Variants in TRHDE observed in about 807,000 individuals in gnomAD.
TRHDE encodes the protein thyrotropin releasing hormone degrading enzyme.
TRHDE carries 72 observed loss-of-function variants against 125.7 expected under a neutral mutation model. The observed-to-expected ratio is 0.57, with a 90% CI of 0.47 to 0.70. The LOEUF is 0.70. TRHDE is among the 30% of genes least tolerant of loss of function. TRHDE has a pLI of 0.00. For missense variants in TRHDE, 1,110 were observed against 1,327.1 expected (o/e 0.84, Z 2.54); for synonymous variants, 509 against 509.1 (o/e 1.00, Z 0.00).
At chr12:72,113,195 TC>T (rs1407044234) in intron 2 of TRHDE, among the ~76,000 whole-genome samples, 1 of 151,898 alleles carries the variant, frequency 6.6e-6, no homozygotes, top group African/African-American at 2.4e-5. Context: ...ATTTTTTTTT[TC>T]TTTGTAGAGA....
upstream of TRHDE, chr12:72,271,689 G>C (rs1879217339): frequency 3.2e-5 from 11 of 344,530 alleles, no homozygotes; most frequent in South Asian, 2.4e-4. Flanking sequence ...AGCTGGAGTA[G>C]CCCTGGCAAT....
At chr12:72,120,290 C>T (rs1028939329) in intron 2 of TRHDE, among the ~76,000 whole-genome samples, 1 of 152,068 alleles carries the variant, frequency 6.6e-6, no homozygotes, top group Non-Finnish European at 1.5e-5. Context: ...ACCTCATGGT[C>T]TGCCTGACTC....
chr12:72,158,763 T>A (rs1282393325), intron 2 of TRHDE, among the ~76,000 whole-genome samples: 1 of 152,238 alleles, frequency 6.6e-6, no homozygotes, highest in African/African-American at 2.4e-5. Context: ...TCCTAAGATA[T>A]CTGCAAATTC....
At chr12:72,372,988 C>T (rs915883784) in intron 2 of TRHDE, among the ~76,000 whole-genome samples, 4 of 152,112 alleles carry the variant, frequency 2.6e-5, no homozygotes. Context: ...GGCAGTATGG[C>T]CATTTTCACG....
At chr12:72,604,534 T>G (rs1285547205) in intron 12 of TRHDE, among the ~76,000 whole-genome samples, 2 of 152,102 alleles carry the variant, frequency 1.3e-5, no homozygotes, top group African/African-American at 2.4e-5. Flanking sequence ...AATTTTCTTC[T>G]TGTATCAGTG....
At chr12:72,374,332 T>TGTGA (rs1004639959) in intron 2 of TRHDE, among the ~76,000 whole-genome samples, 7 of 142,434 alleles carry the variant, frequency 4.9e-5, no homozygotes, top group African/African-American at 1.8e-4. Flanking sequence ...TGTGTGTGTG[T>TGTGA]GATATCAGGA....
intron 5 of TRHDE, among the ~76,000 whole-genome samples, chr12:72,480,816 T>C (rs1877133787): frequency 6.6e-6 from 1 of 152,114 alleles, no homozygotes; most frequent in Non-Finnish European, 1.5e-5. Flanking sequence ...CACCACTTGA[T>C]AAACCAAAAA....
chr12:72,206,961 A>G (rs968932747), intron 2 of TRHDE, among the ~76,000 whole-genome samples: 4 of 152,146 alleles, frequency 2.6e-5, no homozygotes, highest in Admixed American at 1.3e-4. Context: ...GAACTACATG[A>G]TTTATTGAAC....
chr12:72,626,304 A>G (rs1002002828), intron 15 of TRHDE, among the ~76,000 whole-genome samples: 4 of 151,930 alleles, frequency 2.6e-5, no homozygotes, highest in African/African-American at 9.7e-5. Context: ...GAGTTATGTA[A>G]AAGAATGCCT....
intron 2 of TRHDE, among the ~76,000 whole-genome samples, chr12:72,316,192 A>G (rs1868794018): frequency 6.6e-6 from 1 of 152,202 alleles, no homozygotes; most frequent in Non-Finnish European, 1.5e-5. Context: ...GAATAGCATT[A>G]TACACATAAA....
At chr12:72,548,391 G>A (rs754771083) in intron 7 of TRHDE, among the ~76,000 whole-genome samples, 2 of 151,554 alleles carry the variant, frequency 1.3e-5, no homozygotes, top group Admixed American at 6.6e-5. Context: ...GACTTACAGG[G>A]TTCTTAGTGC....
intron 15 of TRHDE, among the ~76,000 whole-genome samples, chr12:72,643,364 T>C (rs180689130): frequency 6.6e-6 from 1 of 152,344 alleles, no homozygotes; most frequent in East Asian, 1.9e-4. Flanking sequence ...TCATCAAATT[T>C]GATATCTCTG....
At chr12:72,659,414 T>C (rs1339331175) in intron 18 of TRHDE, among the ~76,000 whole-genome samples, 1 of 152,216 alleles carries the variant, frequency 6.6e-6, no homozygotes, top group African/African-American at 2.4e-5. Context: ...ATTTTTCTGC[T>C]TTTTAAACCT....
chr12:72,572,201 C>A (rs900988571), intron 10 of TRHDE, among the ~76,000 whole-genome samples: 2 of 152,030 alleles, frequency 1.3e-5, no homozygotes, highest in Non-Finnish European at 2.9e-5. Flanking sequence ...CTCTGGTTGA[C>A]CTTTTTAAAA....
At chr12:72,115,648 T>A (rs1333029841) in intron 2 of TRHDE, among the ~76,000 whole-genome samples, 1 of 152,284 alleles carries the variant, frequency 6.6e-6, no homozygotes, top group South Asian at 2.1e-4. Flanking sequence ...GTGGTTGTAC[T>A]AATTTATATT....
chr12:72,462,475 G>T (rs1876170690), intron 3 of TRHDE, among the ~76,000 whole-genome samples: 1 of 152,160 alleles, frequency 6.6e-6, no homozygotes, highest in Admixed American at 6.5e-5. Flanking sequence ...GTTGGTAGTG[G>T]TTATACATCT....
At chr12:72,406,334 A>T (rs1474976057) in intron 3 of TRHDE, among the ~76,000 whole-genome samples, 2 of 152,132 alleles carry the variant, frequency 1.3e-5, no homozygotes, top group Non-Finnish European at 2.9e-5. Flanking sequence ...TCCACTGAGA[A>T]TCCCAGTGGA....
intron 10 of TRHDE, among the ~76,000 whole-genome samples, chr12:72,570,769 C>T (rs1258736821): frequency 6.6e-6 from 1 of 152,082 alleles, no homozygotes; most frequent in Non-Finnish European, 1.5e-5. Flanking sequence ...TCCTAATATA[C>T]AGCTGCAGCG....
intron 3 of TRHDE, among the ~76,000 whole-genome samples, chr12:72,441,655 A>G (rs1331049005): frequency 1.3e-5 from 2 of 151,906 alleles, no homozygotes; most frequent in Admixed American, 6.6e-5. Flanking sequence ...TTTAATGAAG[A>G]GAGCTGTTAT....
Sources: allele counts gnomAD v4.1 joint callset (sites outside exome capture counted in the v4.1 genomes callset), GRCh38; gene constraint gnomAD v4.1.1; transcripts MANE v1.5; gene names NCBI Gene and HGNC (gene_info 2026-07-23, HGNC 2026-07-21).